LINGO2: variants seen among roughly 807,000 people sequenced by gnomAD.
The protein encoded by LINGO2 is leucine rich repeat and Ig domain containing 2.
In LINGO2, 14 loss-of-function variants were observed where a neutral mutation model predicts 30.6. The ratio of observed to expected loss-of-function variants is 0.46; its 90% CI spans 0.30 to 0.72. The LOEUF (loss-of-function observed/expected upper bound fraction) is 0.72, where lower values mean the gene tolerates loss of function less well. Ranked by LOEUF, LINGO2 falls within the 30% of genes least tolerant of loss-of-function variation. LINGO2 has a pLI of 0.07. For missense variants in LINGO2, 729 were observed against 751.7 expected (o/e 0.97, Z 0.35); for synonymous variants, 317 against 288.5 (o/e 1.10, Z -1.00).
intron 3 of LINGO2, among the ~76,000 whole-genome samples, chr9:28,344,961 T>C (rs1314905774): frequency 1.3e-5 from 2 of 152,166 alleles, no homozygotes; most frequent in Non-Finnish European, 2.9e-5. Flanking sequence ...ACAGTAATAC[T>C]AGACATTCTG....
the LINGO2 span, chr9:27,941,260 C>T: frequency 1.3e-5 from 2 of 152,202 alleles, no homozygotes; most frequent in Non-Finnish European, 2.9e-5. Context: ...CATGGTGAAA[C>T]CCTGTCTCTA....
intron 4 of LINGO2, among the ~76,000 whole-genome samples, chr9:28,050,554 G>T (rs929695972): frequency 6.6e-6 from 1 of 150,636 alleles, no homozygotes; most frequent in Non-Finnish European, 1.5e-5. Flanking sequence ...TCACTGATAG[G>T]GTTCTAATCC....
chr9:28,011,911 G>A lies in LINGO2; in HGVS notation c.-36+444C>T, dbSNP rs115563973. On this transcript the variant is annotated intron_variant, in intron 5 of 5. Coordinates refer to ENST00000379992, the Ensembl canonical transcript of LINGO2. Reference sequence around the variant, plus strand: ...GCCAACAACTGCCCTGCATGTCAAAGGGAATGTTGGTCTCAGCTGTTAACC... The same window carrying A: ...GCCAACAACTGCCCTGCATGTCAAAAGGAATGTTGGTCTCAGCTGTTAACC... Among the ~76,000 whole-genome samples the A allele has an allele frequency of 3.6e-3, 549 of 150,868 alleles. 4 individuals are homozygous for A. Among genetic ancestry groups the A allele is most frequent in the African/African-American group, 0.013 (528 of 40,212 alleles).
chr9:28,246,295 G>C (rs1207454308), intron 4 of LINGO2, among the ~76,000 whole-genome samples: 1 of 152,024 alleles, frequency 6.6e-6, no homozygotes, highest in Admixed American at 6.6e-5. Flanking sequence ...ATGGTGGTGT[G>C]TACCTGTAGT....
intron 1 of LINGO2, among the ~76,000 whole-genome samples, chr9:28,614,690 A>C (rs1351855329): frequency 6.6e-6 from 1 of 152,128 alleles, no homozygotes; most frequent in Non-Finnish European, 1.5e-5. Flanking sequence ...TTTGCACCTC[A>C]AGCCTACTAG....
At chr9:28,031,775 G>GTGT (rs1823686219) in intron 4 of LINGO2, among the ~76,000 whole-genome samples, 1 of 152,212 alleles carries the variant, frequency 6.6e-6, no homozygotes, top group Non-Finnish European at 1.5e-5. Flanking sequence ...ATGGCAGCAA[G>GTGT]CTGTCCAGAA....
intron 5 of LINGO2, among the ~76,000 whole-genome samples, chr9:27,979,690 C>A (rs1326100148): frequency 2.0e-5 from 3 of 151,864 alleles, no homozygotes; most frequent in African/African-American, 7.2e-5. Flanking sequence ...CTATAGTTCA[C>A]CCCTGCAATG....
At chr9:28,399,409 C>A (rs1458915240) in intron 2 of LINGO2, among the ~76,000 whole-genome samples, 3 of 152,032 alleles carry the variant, frequency 2.0e-5, no homozygotes, top group African/African-American at 7.2e-5. Flanking sequence ...AAGTGTTAGA[C>A]TGATTACATA....
the LINGO2 span, among the ~76,000 whole-genome samples, chr9:28,683,283 A>G: frequency 4.6e-5 from 7 of 152,250 alleles, no homozygotes; most frequent in East Asian, 1.4e-3. Flanking sequence ...ACTAAGCAAG[A>G]TAGATGAGCC....
At chr9:28,370,380 C>G (rs1359347352) in intron 3 of LINGO2, among the ~76,000 whole-genome samples, 2 of 152,102 alleles carry the variant, frequency 1.3e-5, no homozygotes, top group African/African-American at 4.8e-5. Context: ...AAAACCCAGC[C>G]ATCTTTCTTT....
intron 4 of LINGO2, among the ~76,000 whole-genome samples, chr9:28,183,528 G>C (rs1315718057): frequency 1.3e-5 from 2 of 152,026 alleles, no homozygotes; most frequent in African/African-American, 2.4e-5. Context: ...AGTTTTATTA[G>C]AATACAGCCT....
intron 2 of LINGO2, among the ~76,000 whole-genome samples, chr9:28,436,664 A>G (rs1018582727): frequency 2.6e-5 from 4 of 151,974 alleles, no homozygotes; most frequent in South Asian, 4.1e-4. Context: ...TCACCGTGTT[A>G]GCCAGGATGG....
the LINGO2 span, among the ~76,000 whole-genome samples, chr9:28,761,776 G>A: frequency 6.6e-6 from 1 of 151,908 alleles, no homozygotes; most frequent in Non-Finnish European, 1.5e-5. Context: ...AACACAAATG[G>A]TCACCCCAAT....
the LINGO2 span, among the ~76,000 whole-genome samples, chr9:28,893,857 G>C: frequency 0.046 from 6,947 of 151,440 alleles, 536 homozygotes; most frequent in African/African-American, 0.16. Context: ...CCCATTCACT[G>C]GTCATTTAGC....
At chr9:28,879,528 C>A in the LINGO2 span, among the ~76,000 whole-genome samples, 6 of 152,190 alleles carry the variant, frequency 3.9e-5, no homozygotes, top group African/African-American at 1.4e-4. Context: ...ATGTTTCTTC[C>A]AATTACCACT....
At chr9:28,495,570 GTCTATA>G in intron 1 of LINGO2, among the ~76,000 whole-genome samples, 1 of 152,120 alleles carries the variant, frequency 6.6e-6, no homozygotes, top group South Asian at 2.1e-4. Flanking sequence ...TGTTCCATTG[GTCTATA>G]TCTCTGTTTT....
chr9:28,441,490 T>A (rs1049976780), intron 2 of LINGO2, among the ~76,000 whole-genome samples: 1 of 151,892 alleles, frequency 6.6e-6, no homozygotes, highest in South Asian at 2.1e-4. Flanking sequence ...ACTTAGGCAC[T>A]TATTGAAAAA....
intron 1 of LINGO2, among the ~76,000 whole-genome samples, chr9:28,600,218 T>C (rs1825403165): frequency 6.6e-6 from 1 of 152,130 alleles, no homozygotes; most frequent in Non-Finnish European, 1.5e-5. Context: ...AGCAGATTTA[T>C]TCAAAACACA....
chr9:28,416,767 TAAG>T (rs763120073), intron 2 of LINGO2, among the ~76,000 whole-genome samples: 45 of 152,294 alleles, frequency 3.0e-4, no homozygotes, highest in Admixed American at 1.4e-3. Flanking sequence ...CTGCAGAGTA[TAAG>T]AAGACGCTTT....
Sources: gnomAD v4.1 joint callset for allele counts (sites outside exome capture counted in the v4.1 genomes callset) on GRCh38, gnomAD v4.1.1 for gene constraint, MANE v1.5 for transcripts, NCBI Gene and HGNC (gene_info 2026-07-23, HGNC 2026-07-21) for gene names.